KIF2C: variants seen among roughly 807,000 people sequenced by gnomAD.
KIF2C encodes kinesin-like protein KIF2C.
A neutral mutation model predicts 97.4 loss-of-function variants in KIF2C; 34 were observed. The observed-to-expected ratio is 0.35, with a 90% CI of 0.27 to 0.46. KIF2C has a LOEUF of 0.46. KIF2C is among the 20% of genes least tolerant of loss of function. The pLI, the probability that KIF2C is intolerant of heterozygous loss-of-function variation, is 1.00. For missense variants in KIF2C, 750 were observed against 907.6 expected, an observed-to-expected ratio of 0.83 and a Z score of 2.23; for synonymous variants, 313 against 318.2, an observed-to-expected ratio of 0.98 and a Z score of 0.17.
chr1:44,754,458 A>C (rs572206975), intron 7 of KIF2C, among the ~76,000 whole-genome samples: 1 of 152,238 alleles, frequency 6.6e-6, no homozygotes, highest in East Asian at 1.9e-4. Context: ...CAGGGACTGC[A>C]GTACAGTCCC....
At chr1:44,744,803 G>A (rs1649103205) in intron 2 of KIF2C, among the ~76,000 whole-genome samples, 1 of 152,162 alleles carries the variant, frequency 6.6e-6, no homozygotes, top group African/African-American at 2.4e-5. Context: ...AGGAGGCTGA[G>A]GCGGAAGAAT....
chr1:44,746,404 C>T, intron 2 of KIF2C: 1 of 1,118,248 alleles, frequency 8.9e-7, no homozygotes, highest in South Asian at 3.8e-5. Flanking sequence ...AAGGCATGGG[C>T]AGGAAGCCGT....
intron 8 of KIF2C, 118 bp downstream of exon 8, chr1:44,754,963 ATT>A: frequency 1.6e-6 from 1 of 628,226 alleles, no homozygotes; most frequent in Non-Finnish European, 2.7e-6. Flanking sequence ...TTTTATTATT[ATT>A]TTTTTTTGAG....
At chr1:44,756,939 A>G (rs552899226) in intron 10 of KIF2C, among the ~76,000 whole-genome samples, 119 of 150,288 alleles carry the variant, frequency 7.9e-4, no homozygotes, top group African/African-American at 2.8e-3. Flanking sequence ...GTTTTTTGAG[A>G]CAGAGTCTCA....
chr1:44,746,679 G>C, intron 2 of KIF2C: 4 of 1,588,412 alleles, frequency 2.5e-6, no homozygotes, highest in Non-Finnish European at 2.6e-6. Flanking sequence ...TTGCCTGCCT[G>C]TCTGCCCTCC....
intron 2 of KIF2C, chr1:44,746,356 A>C (rs1557589782): frequency 9.6e-7 from 1 of 1,040,182 alleles, no homozygotes; most frequent in East Asian, 8.2e-5. Context: ...GTAAACTTAG[A>C]ATTGTGACCT....
rs772519336 is a variant in KIF2C at position 44,753,137 on chromosome 1, C to T, written c.445C>T (p.Pro149Ser). The T allele has an allele frequency of 1.2e-6, 2 of 1,611,434 alleles. No homozygotes were observed. Among genetic ancestry groups the T allele is most frequent in the South Asian group, 2.2e-5 (2 of 90,892 alleles). The change falls in exon 6 of 21, where the codon CCC (proline) becomes TCC (serine). Residue 149 changes from proline (P) to serine (S), a missense_variant. Physicochemically the swap from Pro to Ser is moderately conservative, Grantham distance 74. Coordinates refer to ENST00000372224, the MANE Select transcript of KIF2C (RefSeq NM_006845.4). The stretch of plus-strand genomic sequence containing the variant: ...TGACTCTTGTTCCCCTACAGCTGCC[C>T]CCACTAGGCCTTCCTGCCCTGCAGT... ...SRKQFSVPPA[P>S]TRPSCPAVAE...
chr1:44,742,031 T>C, intron 2 of KIF2C, among the ~76,000 whole-genome samples: 1 of 146,482 alleles, frequency 6.8e-6, no homozygotes, highest in African/African-American at 2.5e-5. Context: ...AATGGTCCCC[T>C]TCCAGATGCA....
In KIF2C at chr1:44,758,104, A is replaced by G. The variant is rs58350869; in HGVS notation, c.1188A>G (p.Glu396=). Residue 396 remains glutamate, a synonymous_variant, in exon 13 of 21, where the codon GAA becomes GAG. Transcript: ENST00000372224. ...CCTGCTACCGGAAGTTGGGCCTGGA[A>G]GTCTATGTGACATTCTTCGAGATCT... ...NQPCYRKLGL[E]VYVTFFEIYN... is the part of the protein sequence containing the mutation. The G allele has an allele frequency of 3.9e-4, 630 of 1,603,240 alleles. 2 individuals carry two copies. In the African/African-American group the frequency reaches 8.4e-3, roughly 21 times the overall value.
chr1:44,753,045 T>C, intron 5 of KIF2C, 87 bp from the exon 6 acceptor site: 1 of 1,507,720 alleles, frequency 6.6e-7, no homozygotes. Flanking sequence ...CAGGTCGCTC[T>C]CCCGGCCCAT....
In KIF2C at chr1:44,746,101, C is replaced by T. The variant is rs556349087; in HGVS notation, c.166-1283C>T. 7.9e-5 allele frequency among the ~76,000 whole-genome samples: 12 copies of T among 152,216 alleles called. No homozygotes were observed. In the South Asian group the frequency reaches 2.5e-3, roughly 32 times the overall value. ...CCGTGTTGCCCAGGCTGGCCTTGAA[C>T]TCCTGAGGTCAGGTAATCCGCCCAC... On this transcript the variant is annotated intron_variant, in intron 2 of 20. Transcript: ENST00000372224.
rs1650016783 is a variant in KIF2C, at chr1:44,759,337, C to T, written c.1356C>T (p.Gly452=). The T allele has an allele frequency of 6.2e-7, 1 of 1,614,134 alleles. No homozygotes were observed. Among genetic ancestry groups the T allele is most frequent in the East Asian group, 2.2e-5 (1 of 44,882 alleles). The change falls in exon 14 of 21, where the codon GGC becomes GGT. Residue 452 remains glycine, a synonymous_variant. Coordinates refer to ENST00000372224, the MANE Select transcript of KIF2C (RefSeq NM_006845.4). The part of the protein sequence containing the change: ...ADDVIKMIDM[G]SACRTSGQTF... The stretch of plus-strand genomic sequence containing the variant: ...ATGTCATCAAGATGATCGACATGGG[C>T]AGCGCCTGCAGGTGAGAGTCCTGGT...
chr1:44,741,176 A>G (rs993110199), intron 2 of KIF2C, among the ~76,000 whole-genome samples, 169 bp downstream of exon 2: 4 of 152,052 alleles, frequency 2.6e-5, no homozygotes, highest in African/African-American at 9.7e-5. Context: ...TGATGTCAGG[A>G]GTTCGAGACC....
At chr1:44,741,393 A>T (rs1016208181) in intron 2 of KIF2C, among the ~76,000 whole-genome samples, 3 of 151,812 alleles carry the variant, frequency 2.0e-5, no homozygotes, top group African/African-American at 7.3e-5. Context: ...AAAAAAAAAA[A>T]AAAAAAATTG....
intron 10 of KIF2C, 83 bp from the exon 11 acceptor site, chr1:44,757,473 G>A: frequency 1.1e-6 from 1 of 899,880 alleles, no homozygotes; most frequent in Admixed American, 1.7e-5. Flanking sequence ...ATCGACCCTA[G>A]AACTCTGCAG....
At chr1:44,754,879 T>C in intron 8 of KIF2C, 34 bp downstream of exon 8, 1 of 1,309,606 alleles carries the variant, frequency 7.6e-7, no homozygotes, top group South Asian at 1.2e-5. Context: ...CTTTCTTAAG[T>C]GTACAATTGA....
At chr1:44,747,310 A>G in intron 2 of KIF2C, 74 bp from the exon 3 acceptor site, 1 of 1,058,032 alleles carries the variant, frequency 9.5e-7, no homozygotes, top group Non-Finnish European at 1.3e-6. Flanking sequence ...TCTGTCTCAA[A>G]AAAAAAAAAA....
intron 2 of KIF2C, among the ~76,000 whole-genome samples, chr1:44,743,646 G>T (rs181940550): frequency 7.7e-4 from 117 of 152,224 alleles, no homozygotes; most frequent in East Asian, 1.5e-3. Flanking sequence ...AAAACAATTA[G>T]CCAGTCATAG....
chr1:44,757,438 A>T, intron 10 of KIF2C, 118 bp from the exon 11 acceptor site: 1 of 699,516 alleles, frequency 1.4e-6, no homozygotes, highest in Non-Finnish European at 2.6e-6. Context: ...GAGGCAGGAG[A>T]GGAGTGCTAT....
Sources: allele counts gnomAD v4.1 joint callset (sites outside exome capture counted in the v4.1 genomes callset), GRCh38; gene constraint gnomAD v4.1.1; transcripts MANE v1.5; gene names NCBI Gene and HGNC (gene_info 2026-07-23, HGNC 2026-07-21).